Variants in SAMD12 observed in about 807,000 individuals in gnomAD.
SAMD12 encodes sterile alpha motif domain containing 12.
Under a neutral mutation model 15.0 loss-of-function variants are expected in SAMD12, and 9 were observed. That is an observed-to-expected ratio of 0.60 (90% CI 0.36 to 1.05). SAMD12 has a LOEUF of 1.05. Ranked by LOEUF, SAMD12 falls within the 50% of genes least tolerant of loss-of-function variation. The probability of loss-of-function intolerance (pLI) is 0.01; values close to 1 mark genes in which losing one functional copy is unlikely to be tolerated. For missense variants in SAMD12, 230 were observed against 234.2 expected (o/e 0.98, Z 0.12); for synonymous variants, 86 against 90.1 (o/e 0.96, Z 0.25).
chr8:118,545,879 T>C (rs1303607405), intron 2 of SAMD12, among the ~76,000 whole-genome samples: 1 of 152,186 alleles, frequency 6.6e-6, no homozygotes, highest in Admixed American at 6.5e-5. Flanking sequence ...TGAAATTCCC[T>C]GAGTTACATA....
intron 3 of SAMD12, among the ~76,000 whole-genome samples, chr8:118,396,383 G>C (rs547188676): frequency 6.6e-6 from 1 of 152,314 alleles, no homozygotes; most frequent in East Asian, 1.9e-4. Context: ...TGTACCTTGT[G>C]TAGGCTTCCA....
the SAMD12 span, among the ~76,000 whole-genome samples, chr8:118,162,266 G>A: frequency 0.013 from 1,967 of 146,350 alleles, 49 homozygotes; most frequent in African/African-American, 0.047. Context: ...TTGCTATCTC[G>A]TGTGCCTTAT....
At chr8:118,426,266 C>G (rs1348119384) in intron 3 of SAMD12, among the ~76,000 whole-genome samples, 1 of 152,178 alleles carries the variant, frequency 6.6e-6, no homozygotes, top group Non-Finnish European at 1.5e-5. Context: ...TCCCAACAAG[C>G]CTGTGTGGTG....
intron 4 of SAMD12, among the ~76,000 whole-genome samples, chr8:118,304,458 A>T (rs572609782): frequency 1.5e-4 from 23 of 152,308 alleles, no homozygotes; most frequent in African/African-American, 4.8e-4. Context: ...TTTGAAAAGC[A>T]TAAGAACCTC....
At chr8:118,197,989 A>G (rs1344127450) in intron 4 of SAMD12, among the ~76,000 whole-genome samples, 1 of 152,226 alleles carries the variant, frequency 6.6e-6, no homozygotes, top group South Asian at 2.1e-4. Flanking sequence ...AGGGAGGGCA[A>G]AACCAGATCT....
chr8:118,439,647 A>G (rs1310656036), intron 3 of SAMD12, among the ~76,000 whole-genome samples, 185 bp downstream of exon 3: 1 of 152,168 alleles, frequency 6.6e-6, no homozygotes, highest in Non-Finnish European at 1.5e-5. Context: ...GTTTTCTATA[A>G]TAACCATGTA....
chr8:118,393,335 G>C (rs1366524701), intron 3 of SAMD12, among the ~76,000 whole-genome samples: 1 of 152,054 alleles, frequency 6.6e-6, no homozygotes, highest in African/African-American at 2.4e-5. Flanking sequence ...GGAACTATAG[G>C]TGCACACCAC....
chr8:118,568,046 T>C (rs1348564853), intron 2 of SAMD12, among the ~76,000 whole-genome samples: 1 of 152,188 alleles, frequency 6.6e-6, no homozygotes, highest in African/African-American at 2.4e-5. Flanking sequence ...TGACCTAAAA[T>C]AATAATAAAC....
intron 4 of SAMD12, among the ~76,000 whole-genome samples, chr8:118,358,267 C>T (rs1818327895): frequency 6.6e-6 from 1 of 152,196 alleles, no homozygotes; most frequent in Non-Finnish European, 1.5e-5. Flanking sequence ...CTTCTTACTA[C>T]CACTTAAAGG....
chr8:118,146,250 T>C, the SAMD12 span, among the ~76,000 whole-genome samples: 7 of 152,248 alleles, frequency 4.6e-5, no homozygotes, highest in East Asian at 1.4e-3. Context: ...CAAAGCATTG[T>C]GGGAGAGAAA....
At chr8:118,329,431 T>C (rs1816713167) in intron 4 of SAMD12, among the ~76,000 whole-genome samples, 2 of 152,166 alleles carry the variant, frequency 1.3e-5, no homozygotes, top group Admixed American at 1.3e-4. Context: ...AAAATTAGTA[T>C]TACTATGAAA....
the SAMD12 span, among the ~76,000 whole-genome samples, chr8:118,155,293 G>A: frequency 0.3 from 45,301 of 151,932 alleles, 6,718 homozygotes; most frequent in Admixed American, 0.33. Flanking sequence ...AAATTAAAAT[G>A]ACAATCGAAT....
At chr8:118,244,965 G>T (rs1812653058) in intron 4 of SAMD12, among the ~76,000 whole-genome samples, 1 of 152,086 alleles carries the variant, frequency 6.6e-6, no homozygotes, top group Non-Finnish European at 1.5e-5. Context: ...TCTCAATAGG[G>T]TTTATTTTTG....
intron 4 of SAMD12, among the ~76,000 whole-genome samples, chr8:118,312,211 T>C (rs1286290652): frequency 6.6e-6 from 1 of 152,230 alleles, no homozygotes; most frequent in East Asian, 1.9e-4. Flanking sequence ...CCTTTAGCAA[T>C]TGCTACTTTT....
In SAMD12 at chr8:118,379,333, G is replaced by T; in HGVS notation, c.*84C>A. The stretch of plus-strand genomic sequence containing the variant: ...CGTGACCACCTTGAAGTTAGCTCAG[G>T]TAATTCTGTTTGCTCATCCATTACT... On this transcript the variant is annotated 3_prime_UTR_variant, in exon 4 of 4. Coordinates refer to ENST00000314727, the MANE Select transcript of SAMD12 (RefSeq NM_207506.3). 1 of 1,521,482 alleles carries T rather than the reference G, an allele frequency of 6.6e-7. No individual in the cohort carries two copies. The highest frequency in any genetic ancestry group is 2.3e-5 in the East Asian group (1 of 43,128). The allele number at this position is 1,521,482 out of a possible 1,614,324, so 94.2% of individuals were successfully genotyped here. A position where few individuals can be genotyped will look rare whatever the true frequency, so the allele number is the denominator to read the frequency against.
At chr8:118,150,738 TTTACCAA>T in the SAMD12 span, among the ~76,000 whole-genome samples, 1 of 152,198 alleles carries the variant, frequency 6.6e-6, no homozygotes, top group Non-Finnish European at 1.5e-5. Flanking sequence ...AGTATTTATA[TTTACCAA>T]TTCCAAGGTT....
chr8:118,217,746 T>TAAATTC (rs1811997185), intron 4 of SAMD12, among the ~76,000 whole-genome samples: 1 of 152,176 alleles, frequency 6.6e-6, no homozygotes, highest in Non-Finnish European at 1.5e-5. Flanking sequence ...TCTTAAAGGA[T>TAAATTC]AAATTCAATT....
chr8:118,181,179 G>T, the SAMD12 span, among the ~76,000 whole-genome samples: 1 of 152,144 alleles, frequency 6.6e-6, no homozygotes, highest in East Asian at 1.9e-4. Context: ...ATACCACCAC[G>T]TTCAGTTAAA....
intron 2 of SAMD12, among the ~76,000 whole-genome samples, chr8:118,551,104 T>G (rs1210406439): frequency 1.3e-5 from 2 of 152,104 alleles, no homozygotes; most frequent in African/African-American, 2.4e-5. Context: ...ACTGTCAACA[T>G]TAGACAGATC....
Sources: allele counts gnomAD v4.1 joint callset (sites outside exome capture counted in the v4.1 genomes callset), GRCh38; gene constraint gnomAD v4.1.1; transcripts MANE v1.5; gene names NCBI Gene and HGNC (gene_info 2026-07-23, HGNC 2026-07-21).